Variants in CCDC144A observed in about 807,000 individuals in gnomAD.
CCDC144A encodes the protein coiled-coil domain-containing protein 144A.
Under a neutral mutation model 143.8 loss-of-function variants are expected in CCDC144A, and 41 were observed. The ratio of observed to expected loss-of-function variants is 0.29; its 90% CI spans 0.22 to 0.37. CCDC144A has a LOEUF of 0.37. Ranked by LOEUF, CCDC144A falls within the 10% of genes least tolerant of loss-of-function variation. The pLI is 1.00. For synonymous variants in CCDC144A, 242 were observed against 517.9 expected (o/e 0.47, Z 7.23); for missense variants, 637 against 1,488.8 (o/e 0.43, Z 9.41).
At chr17:16,680,853 TTAA>T in the CCDC144A span, among the ~76,000 whole-genome samples, 2 of 152,058 alleles carry the variant, frequency 1.3e-5, no homozygotes, top group Non-Finnish European at 2.9e-5. Context: ...AAAATCAATT[TTAA>T]TAATAACTAT....
rs371949993 is a variant in CCDC144A, at chr17:16,696,224, A to G, written c.415+3175A>G. On this transcript the variant is annotated intron_variant, in intron 2 of 16. Coordinates refer to ENST00000399273, the MANE Select transcript of CCDC144A (RefSeq NM_001382000.1). ...GAGACAGGGTTTCGGCATGTTTGAC[A>G]GGCTGGTCTCAAACTCCTGACCTCA... Among the ~76,000 whole-genome samples, 74 of 152,064 alleles carry G rather than the reference A, an allele frequency of 4.9e-4. 1 individual carries two copies. The highest frequency in any genetic ancestry group is 3.4e-3 in the Middle Eastern group (1 of 294).
chr17:16,714,603 T>C (rs2143149187), intron 6 of CCDC144A, among the ~76,000 whole-genome samples: 1 of 152,226 alleles, frequency 6.6e-6, no homozygotes, highest in East Asian at 1.9e-4. Flanking sequence ...GCCACCACCA[T>C]CTGCTCTCTA....
At chr17:16,729,865 A>T (rs1368851927) in intron 9 of CCDC144A, among the ~76,000 whole-genome samples, 52 of 142,304 alleles carry the variant, frequency 3.7e-4, no homozygotes, top group Admixed American at 9.2e-4. Flanking sequence ...TCAAAAAAAA[A>T]AAATATATAT....
chr17:16,744,398 A>T (rs796788522), intron 12 of CCDC144A, among the ~76,000 whole-genome samples: 6 of 152,290 alleles, frequency 3.9e-5, no homozygotes, highest in African/African-American at 1.4e-4. Context: ...AGTAATAGCC[A>T]TTATGTCTGG....
the CCDC144A span, among the ~76,000 whole-genome samples, chr17:16,667,558 C>CT: frequency 1.3e-5 from 2 of 152,156 alleles, no homozygotes; most frequent in Non-Finnish European, 1.5e-5. Context: ...GGCAGAATCC[C>CT]GGGGCTGCTT....
chr17:16,669,886 A>C, the CCDC144A span, among the ~76,000 whole-genome samples: 4 of 152,188 alleles, frequency 2.6e-5, no homozygotes. Context: ...ATTATGCCAA[A>C]AATTATAGAA....
chr17:16,765,817 C>T (rs1374940020), intron 15 of CCDC144A: 1 of 152,264 alleles, frequency 6.6e-6, no homozygotes, highest in African/African-American at 2.4e-5. Context: ...CCAAATGCCT[C>T]AGTCATGAAA....
the CCDC144A span, among the ~76,000 whole-genome samples, chr17:16,681,511 T>C: frequency 1.3e-5 from 2 of 152,084 alleles, no homozygotes; most frequent in African/African-American, 2.4e-5. Flanking sequence ...CCCAGGTTTG[T>C]TAAGCTTAAA....
chr17:16,722,261 G>A (rs570384142), intron 8 of CCDC144A, among the ~76,000 whole-genome samples: 100 of 152,176 alleles, frequency 6.6e-4, no homozygotes, highest in African/African-American at 2.4e-3. Context: ...AACAAACCGT[G>A]TATTTAGGGA....
intron 12 of CCDC144A, among the ~76,000 whole-genome samples, chr17:16,759,195 G>A (rs571907729): frequency 7.3e-4 from 111 of 152,302 alleles, no homozygotes; most frequent in African/African-American, 2.6e-3. Context: ...ATTTGCATTT[G>A]TTATGTCTGA....
In CCDC144A at chr17:16,746,519, G is replaced by A. The variant is rs1914528340; in HGVS notation, c.3372+10876G>A. 6.2e-6 allele frequency: 10 copies of A among 1,613,552 alleles called. No homozygotes were observed. In the Admixed American group the frequency reaches 1.2e-4, roughly 19 times the overall value. On this transcript the variant is annotated intron_variant, in intron 12 of 16. Coordinates refer to ENST00000399273, the MANE Select transcript of CCDC144A (RefSeq NM_001382000.1). ...GGTCTTCTCTTCCTCCACACAGTAGGTTTCTAAAAACTTCTTATATTCTGG... is the reference window on the plus strand; with the variant it reads ...GGTCTTCTCTTCCTCCACACAGTAGATTTCTAAAAACTTCTTATATTCTGG...
chr17:16,674,897 T>C, the CCDC144A span, among the ~76,000 whole-genome samples: 4 of 152,182 alleles, frequency 2.6e-5, no homozygotes, highest in African/African-American at 4.8e-5. Context: ...GCCAATGTAT[T>C]ACTTGGCAAG....
At chr17:16,672,459 C>CAA in the CCDC144A span, among the ~76,000 whole-genome samples, 1 of 151,728 alleles carries the variant, frequency 6.6e-6, no homozygotes, top group African/African-American at 2.4e-5. Context: ...AAAACAAAAA[C>CAA]AAAAACAAGA....
intron 8 of CCDC144A, among the ~76,000 whole-genome samples, chr17:16,723,307 C>A (rs1386100154): frequency 6.6e-6 from 1 of 152,010 alleles, no homozygotes; most frequent in Non-Finnish European, 1.5e-5. Context: ...TATTTCTATT[C>A]TTTTAGTATC....
chr17:16,718,460 T>G (rs1398670425), intron 6 of CCDC144A, among the ~76,000 whole-genome samples: 1 of 152,238 alleles, frequency 6.6e-6, no homozygotes, highest in Non-Finnish European at 1.5e-5. Context: ...TTGTAGGTTT[T>G]TAGCAAACTA....
the CCDC144A span, among the ~76,000 whole-genome samples, chr17:16,676,977 A>G: frequency 5.3e-5 from 8 of 152,116 alleles, no homozygotes; most frequent in African/African-American, 1.9e-4. Context: ...GCACAACTCC[A>G]GATTTATGAA....
chr17:16,686,747 A>AACAC (rs142329474), upstream of CCDC144A, among the ~76,000 whole-genome samples: 9,678 of 140,406 alleles, frequency 0.069, 318 homozygotes, highest in Admixed American at 0.095. Flanking sequence ...CACACACACA[A>AACAC]ACACACACAC....
intron 2 of CCDC144A, among the ~76,000 whole-genome samples, chr17:16,703,023 T>C (rs71211666): frequency 5.3e-5 from 8 of 152,170 alleles, no homozygotes; most frequent in African/African-American, 1.2e-4. Flanking sequence ...TTATCAAAAA[T>C]GAAGAAAGCA....
In CCDC144A at chr17:16,775,658, G is replaced by A. The variant is rs1915978946; in HGVS notation, c.*2025G>A. On this transcript the variant is annotated 3_prime_UTR_variant, in exon 17 of 17. Coordinates refer to ENST00000399273, the MANE Select transcript of CCDC144A (RefSeq NM_001382000.1). ...TTTTCTCCCATTCTGTAGGTTGTCG[G>A]TTTACTCTGTTGATAGGTTCTTAAT... is the stretch of plus-strand genomic sequence containing the variant. 6.6e-6 allele frequency: 1 copy of A among 152,106 alleles called. No individual in the cohort carries two copies. The highest frequency in any genetic ancestry group is 2.1e-4 in the South Asian group (1 of 4,834). 9.4% of individuals were successfully genotyped at this position (152,106 alleles called of 1,614,324 possible). A position where few individuals can be genotyped will look rare whatever the true frequency, so the allele number is the denominator to read the frequency against.
Sources: gnomAD v4.1 joint callset for allele counts (sites outside exome capture counted in the v4.1 genomes callset) on GRCh38, gnomAD v4.1.1 for gene constraint, MANE v1.5 for transcripts, NCBI Gene and HGNC (gene_info 2026-07-23, HGNC 2026-07-21) for gene names.